PPP3CC: variants seen among roughly 807,000 people sequenced by gnomAD.
PPP3CC encodes protein phosphatase 3 catalytic subunit gamma.
Under a neutral mutation model 60.3 loss-of-function variants are expected in PPP3CC, and 35 were observed. That is an observed-to-expected ratio of 0.58 (90% CI 0.44 to 0.77). The LOEUF (loss-of-function observed/expected upper bound fraction) is 0.77, where lower values mean the gene tolerates loss of function less well. PPP3CC is among the 30% of genes least tolerant of loss of function. PPP3CC has a pLI of 0.00. For synonymous variants in PPP3CC, 206 were observed against 224.3 expected (o/e 0.92, Z 0.73); for missense variants, 570 against 628.9 (o/e 0.91, Z 1.00).
rs1839479692 is a variant in PPP3CC, at chr8:22,524,148, T to G, written c.943+1399T>G. Reference sequence around the variant, plus strand: ...AATAATACAGATTTTACTGTTATTGTACCTGATGTGATAATATCAAAGGAC... The same window carrying G: ...AATAATACAGATTTTACTGTTATTGGACCTGATGTGATAATATCAAAGGAC... On this transcript the variant is annotated intron_variant, in intron 8 of 13. Coordinates refer to ENST00000240139, the MANE Select transcript of PPP3CC (RefSeq NM_005605.5). Among the ~76,000 whole-genome samples the G allele has an allele frequency of 2.6e-5, 4 of 152,344 alleles. No homozygotes were observed. In the South Asian group the frequency reaches 8.3e-4, roughly 32 times the overall value.
intron 3 of PPP3CC, among the ~76,000 whole-genome samples, chr8:22,487,485 C>A (rs552952467): frequency 1.3e-5 from 2 of 151,986 alleles, no homozygotes; most frequent in African/African-American, 2.4e-5. Context: ...ATTAACCAGG[C>A]GTGGTGGCGT....
intron 3 of PPP3CC, among the ~76,000 whole-genome samples, chr8:22,496,480 G>A (rs1838584126): frequency 2.4e-5 from 2 of 83,738 alleles, no homozygotes; most frequent in South Asian, 1.0e-3. Flanking sequence ...AGGGAGAACT[G>A]TAATCTTTTT....
chr8:22,499,939 A>G (rs1354502542), intron 4 of PPP3CC, among the ~76,000 whole-genome samples: 2 of 152,186 alleles, frequency 1.3e-5, no homozygotes, highest in South Asian at 2.1e-4. Context: ...TGTAAGCTCC[A>G]TGCTAGCAGG....
chr8:22,489,596 T>C (rs1838320021), intron 3 of PPP3CC, among the ~76,000 whole-genome samples: 1 of 142,814 alleles, frequency 7.0e-6, no homozygotes, highest in African/African-American at 2.6e-5. Flanking sequence ...ATATTATATA[T>C]AATAGTGTAT....
At chr8:22,492,347 T>G (rs968407571) in intron 3 of PPP3CC, among the ~76,000 whole-genome samples, 3 of 152,146 alleles carry the variant, frequency 2.0e-5, no homozygotes, top group African/African-American at 7.2e-5. Flanking sequence ...GATGAGTGAA[T>G]GTGAAGGCCT....
At chr8:22,533,723 C>T (rs1240952700) in intron 12 of PPP3CC, among the ~76,000 whole-genome samples, 5 of 152,080 alleles carry the variant, frequency 3.3e-5, no homozygotes, top group African/African-American at 1.2e-4. Context: ...TACTCGGTTG[C>T]CTGAGACAGG....
chr8:22,457,856 C>G (rs950668172), intron 1 of PPP3CC, among the ~76,000 whole-genome samples: 1 of 152,228 alleles, frequency 6.6e-6, no homozygotes, highest in Non-Finnish European at 1.5e-5. Flanking sequence ...CTTTGGGAGG[C>G]CAAGGCGGGC....
At chr8:22,533,062 C>T (rs777794196) in intron 12 of PPP3CC, 44 bp downstream of exon 12, 2 of 1,404,442 alleles carry the variant, frequency 1.4e-6, no homozygotes, top group Non-Finnish European at 1.9e-6. Flanking sequence ...GCTCCCGTTA[C>T]CTAACAGTCA....
intron 3 of PPP3CC, among the ~76,000 whole-genome samples, chr8:22,491,686 A>G (rs1838410580): frequency 6.6e-6 from 1 of 152,226 alleles, no homozygotes; most frequent in Admixed American, 6.5e-5. Context: ...AAAATAATGA[A>G]GTAGTATGTT....
intron 4 of PPP3CC, among the ~76,000 whole-genome samples, chr8:22,500,164 T>C (rs1457422446): frequency 6.6e-6 from 1 of 152,242 alleles, no homozygotes; most frequent in Non-Finnish European, 1.5e-5. Context: ...CCAGAAAATA[T>C]GTATATTGGG....
chr8:22,531,788 C>G (rs1839723039), intron 10 of PPP3CC, among the ~76,000 whole-genome samples: 1 of 152,236 alleles, frequency 6.6e-6, no homozygotes, highest in Admixed American at 6.5e-5. Flanking sequence ...TGTTTACATA[C>G]AGAAGACAGC....
chr8:22,518,340 G>A (rs1839308634), intron 6 of PPP3CC, among the ~76,000 whole-genome samples: 2 of 152,014 alleles, frequency 1.3e-5, no homozygotes, highest in Admixed American at 1.3e-4. Flanking sequence ...TTTCCTCTTT[G>A]ACACAATAGT....
At chr8:22,474,355 C>G (rs532605365) in intron 1 of PPP3CC, among the ~76,000 whole-genome samples, 1 of 152,158 alleles carries the variant, frequency 6.6e-6, no homozygotes, top group South Asian at 2.1e-4. Context: ...CATCTAGTGT[C>G]TTGTCTCATT....
chr8:22,481,825 G>A (rs1838079274), intron 3 of PPP3CC, among the ~76,000 whole-genome samples: 1 of 151,966 alleles, frequency 6.6e-6, no homozygotes, highest in African/African-American at 2.4e-5. Context: ...TGAGAGTGAT[G>A]GTTTCCAGCT....
chr8:22,491,890 A>C (rs974702332), intron 3 of PPP3CC, among the ~76,000 whole-genome samples: 2 of 152,182 alleles, frequency 1.3e-5, no homozygotes, highest in African/African-American at 4.8e-5. Flanking sequence ...TATATTCTCT[A>C]CTTGTTGAGC....
At chr8:22,502,515 C>G (rs949981399) in intron 4 of PPP3CC, among the ~76,000 whole-genome samples, 1 of 152,040 alleles carries the variant, frequency 6.6e-6, no homozygotes, top group African/African-American at 2.4e-5. Flanking sequence ...TAGTAAGACT[C>G]TCTCTCTACA....
At chr8:22,466,805 G>A (rs1586802040) in intron 1 of PPP3CC, among the ~76,000 whole-genome samples, 1 of 152,068 alleles carries the variant, frequency 6.6e-6, no homozygotes, top group African/African-American at 2.4e-5. Context: ...CCAGGCTGAC[G>A]ACTGTAGCTG....
intron 3 of PPP3CC, among the ~76,000 whole-genome samples, chr8:22,493,987 A>G (rs1234134960): frequency 6.6e-6 from 1 of 152,154 alleles, no homozygotes; most frequent in African/African-American, 2.4e-5. Context: ...GCATGTAGAC[A>G]TTATGATGGC....
At chr8:22,491,207 A>G (rs945301934) in intron 3 of PPP3CC, among the ~76,000 whole-genome samples, 1 of 152,178 alleles carries the variant, frequency 6.6e-6, no homozygotes, top group Non-Finnish European at 1.5e-5. Flanking sequence ...TCGGATTGCC[A>G]GGAGAAAGGG....
Sources: gnomAD v4.1 joint callset for allele counts (sites outside exome capture counted in the v4.1 genomes callset) on GRCh38, gnomAD v4.1.1 for gene constraint, MANE v1.5 for transcripts, NCBI Gene and HGNC (gene_info 2026-07-23, HGNC 2026-07-21) for gene names.